The following STK33 variants were observed in gnomAD, a reference collection of about 807,000 sequenced individuals.
The protein encoded by STK33 is serine/threonine-protein kinase 33.
In STK33, 52 loss-of-function variants were observed where a neutral mutation model predicts 58.0. The ratio of observed to expected loss-of-function variants is 0.90; its 90% CI spans 0.72 to 1.13. The LOEUF is 1.13. STK33 is among the 50% of genes most tolerant of loss of function. STK33 has a pLI of 0.00. For missense variants in STK33, 630 were observed against 604.2 expected, an observed-to-expected ratio of 1.04 and a Z score of -0.45; for synonymous variants, 215 against 200.1, an observed-to-expected ratio of 1.07 and a Z score of -0.63.
At chr11:8,380,113 A>G in the STK33 span, among the ~76,000 whole-genome samples, 2 of 152,234 alleles carry the variant, frequency 1.3e-5, no homozygotes, top group African/African-American at 4.8e-5. Context: ...TCTTTATGAC[A>G]GAAAAATTTA....
chr11:8,491,039 C>T (rs2138663559), intron 1 of STK33, among the ~76,000 whole-genome samples: 1 of 152,306 alleles, frequency 6.6e-6, no homozygotes, highest in South Asian at 2.1e-4. Flanking sequence ...TCTTCTCCTC[C>T]AAAGGATTGC....
intron 11 of STK33, among the ~76,000 whole-genome samples, chr11:8,443,907 T>G (rs1173711324): frequency 1.3e-5 from 2 of 152,116 alleles, no homozygotes; most frequent in Non-Finnish European, 1.5e-5. Context: ...CTGGGGAGGC[T>G]GAGGTGGGAG....
chr11:8,543,458 C>T (rs1044117909), intron 1 of STK33, among the ~76,000 whole-genome samples: 1 of 152,046 alleles, frequency 6.6e-6, no homozygotes, highest in African/African-American at 2.4e-5. Flanking sequence ...ATGGATGGAA[C>T]TGGAGATTAT....
At chr11:8,425,391 T>C (rs1043676804) in intron 14 of STK33, among the ~76,000 whole-genome samples, 2 of 152,218 alleles carry the variant, frequency 1.3e-5, no homozygotes, top group African/African-American at 4.8e-5. Flanking sequence ...TACTGTAGCC[T>C]TGTAGTATAG....
At chr11:8,352,996 C>T in the STK33 span, among the ~76,000 whole-genome samples, 62 of 152,292 alleles carry the variant, frequency 4.1e-4, no homozygotes, top group African/African-American at 1.4e-3. Flanking sequence ...ACGGCCCTGG[C>T]CCCGCGTGCT....
chr11:8,409,029 T>C (rs541259862), intron 15 of STK33, among the ~76,000 whole-genome samples: 1 of 152,300 alleles, frequency 6.6e-6, no homozygotes, highest in South Asian at 2.1e-4. Flanking sequence ...ACCATATTGT[T>C]TGCACAAACA....
chr11:8,530,081 G>T (rs564135832), intron 1 of STK33, among the ~76,000 whole-genome samples: 9 of 152,306 alleles, frequency 5.9e-5, no homozygotes, highest in African/African-American at 2.2e-4. Context: ...TCCTTAGGAT[G>T]GAAGAGAGGC....
the STK33 span, among the ~76,000 whole-genome samples, chr11:8,383,928 G>A: frequency 2.6e-5 from 4 of 152,080 alleles, no homozygotes; most frequent in Non-Finnish European, 1.5e-5. Context: ...CTCCACCTTA[G>A]GGCTCTTTTC....
At chr11:8,551,956 C>T (rs115685744) in intron 1 of STK33, among the ~76,000 whole-genome samples, 1,799 of 140,158 alleles carry the variant, frequency 0.013, 35 homozygotes, top group African/African-American at 0.045. Context: ...GATTGGAGAG[C>T]TAAAGAGCCA....
chr11:8,527,777 A>G (rs546186415), intron 1 of STK33, among the ~76,000 whole-genome samples: 1 of 152,312 alleles, frequency 6.6e-6, no homozygotes, highest in African/African-American at 2.4e-5. Context: ...AATAGCAATG[A>G]CTATATGAGT....
Position 8,399,643 on chromosome 11 carries a change from C to G in STK33, c.1345-6933G>C, listed in dbSNP as rs529904196. Among the ~76,000 whole-genome samples, 41 of 151,970 alleles carry G rather than the reference C, an allele frequency of 2.7e-4. 1 individual carries two copies. The highest frequency in any genetic ancestry group is 5.3e-4 in the Non-Finnish European group (36 of 67,980). ...AGAGCAGAACTGAAGGAAAAAGATACACAAAAAAACCCTTCAAAAAATCAA... is the reference window on the plus strand; with the variant it reads ...AGAGCAGAACTGAAGGAAAAAGATAGACAAAAAAACCCTTCAAAAAATCAA... On this transcript the variant is annotated intron_variant, in intron 15 of 15. Coordinates refer to ENST00000687296, the MANE Select transcript of STK33 (RefSeq NM_001352389.2).
At chr11:8,367,104 A>G in the STK33 span, among the ~76,000 whole-genome samples, 2 of 152,270 alleles carry the variant, frequency 1.3e-5, no homozygotes, top group African/African-American at 4.8e-5. Flanking sequence ...TTATGTGTAG[A>G]AAGTATACGT....
chr11:8,394,044 A>T (rs1013462962), intron 15 of STK33, among the ~76,000 whole-genome samples: 2 of 152,170 alleles, frequency 1.3e-5, no homozygotes, highest in African/African-American at 4.8e-5. Flanking sequence ...TAAAATTTTA[A>T]TTTCTATAAA....
At position 8,592,620 on chromosome 11, in the gene STK33, TA is replaced by T. The variant is rs978668637; in HGVS notation, c.-466+1462del. 2.6e-5 allele frequency among the ~76,000 whole-genome samples: 4 copies of T among 152,152 alleles called. No individual in the cohort carries two copies. In the East Asian group the frequency reaches 7.7e-4, roughly 29 times the overall value. On this transcript the variant is annotated intron_variant, in intron 1 of 15. Coordinates refer to ENST00000687296, the MANE Select transcript of STK33 (RefSeq NM_001352389.2). ...ATTTCATTTTTGGGAACTGTTTTTT[TA>T]TTTTTTTTTGAGACAGGGTCTCACT...
the STK33 span, among the ~76,000 whole-genome samples, chr11:8,379,395 T>A: frequency 1.3e-5 from 2 of 152,084 alleles, no homozygotes; most frequent in African/African-American, 4.8e-5. Flanking sequence ...AAACTATGCA[T>A]CAAACGAAGA....
chr11:8,584,831 T>C (rs1359277850), intron 1 of STK33, among the ~76,000 whole-genome samples: 2 of 152,060 alleles, frequency 1.3e-5, no homozygotes, highest in Admixed American at 6.6e-5. Context: ...GCAGTTAATC[T>C]AGACAGGATG....
Position 8,474,954 on chromosome 11 carries a change from G to A in STK33, c.-49C>T, listed in dbSNP as rs752275770. ...AACTTTAAAAATGTTTCCACTGTTT[G>A]AGGAAGAAAACCAGGCCAAAAAGGA... On this transcript the variant is annotated 5_prime_UTR_variant, in exon 5 of 16. Coordinates refer to ENST00000687296, the MANE Select transcript of STK33 (RefSeq NM_001352389.2). 9 of 1,516,406 alleles carry A rather than the reference G, an allele frequency of 5.9e-6. No homozygotes were observed. In the Admixed American group the frequency reaches 9.0e-5, roughly 15 times the overall value. The allele number at this position is 1,516,406 out of a possible 1,614,324, so 93.9% of individuals were successfully genotyped here.
intron 12 of STK33, among the ~76,000 whole-genome samples, chr11:8,437,904 T>C (rs1944281809): frequency 6.6e-6 from 1 of 152,220 alleles, no homozygotes; most frequent in Non-Finnish European, 1.5e-5. Flanking sequence ...CTCATTCTGA[T>C]TTCCTCTCTC....
intron 1 of STK33, among the ~76,000 whole-genome samples, chr11:8,491,823 G>T (rs1192070632): frequency 6.6e-6 from 1 of 152,084 alleles, no homozygotes; most frequent in Non-Finnish European, 1.5e-5. Context: ...TTTCAACCCA[G>T]AATTTCATAT....
Sources: gnomAD v4.1 joint callset for allele counts (sites outside exome capture counted in the v4.1 genomes callset) on GRCh38, gnomAD v4.1.1 for gene constraint, MANE v1.5 for transcripts, NCBI Gene and HGNC (gene_info 2026-07-23, HGNC 2026-07-21) for gene names.